The following EYS variants were observed in gnomAD, a reference collection of about 807,000 sequenced individuals.
EYS encodes EGF-like photoreceptor maintenance factor.
In EYS, 250 loss-of-function variants were observed where a neutral mutation model predicts 282.1. That is an observed-to-expected ratio of 0.89 (90% CI 0.80 to 0.98). The LOEUF is 0.98. Among genes scored for constraint, EYS ranks in the 50% least tolerant of loss-of-function variants. EYS has a pLI of 0.00. For missense variants in EYS, 4,016 were observed against 3,709.0 expected (o/e 1.08, Z -2.15); for synonymous variants, 1,355 against 1,282.9 (o/e 1.06, Z -1.20).
rs576288145 is a variant in EYS at position 63,721,186 on chromosome 6, C to T, written c.8845G>A (p.Glu2949Lys). 4.3e-5 allele frequency: 66 copies of T among 1,551,528 alleles called. No individual in the cohort carries two copies. In the South Asian group the frequency reaches 6.9e-4, roughly 16 times the overall value. ...CTLGWVGRYC[E>K]NKTSFSTAKF... Reference sequence around the variant, plus strand: ...GCAGTTGAAAATGAAGTTTTGTTTTCACAATACCTTCCCACCCAACCCAAA... The same window carrying T: ...GCAGTTGAAAATGAAGTTTTGTTTTTACAATACCTTCCCACCCAACCCAAA... Residue 2949 changes from glutamate to lysine, a missense_variant, in exon 43 of 43, where the codon GAA becomes AAA. Glu to Lys is a moderately conservative substitution (Grantham distance 56). Coordinates refer to ENST00000503581, the MANE Select transcript of EYS (RefSeq NM_001142800.2).
At chr6:64,764,525 C>T (rs1773261645) in intron 22 of EYS, among the ~76,000 whole-genome samples, 1 of 152,204 alleles carries the variant, frequency 6.6e-6, no homozygotes, top group East Asian at 1.9e-4. Context: ...CCTAGGCCTC[C>T]AGGCCTGTGA....
At chr6:65,100,570 C>T (rs913347339) in intron 12 of EYS, among the ~76,000 whole-genome samples, 17 of 150,862 alleles carry the variant, frequency 1.1e-4, no homozygotes, top group African/African-American at 3.4e-4. Context: ...AATTATGTTG[C>T]TGTCTAAACA....
chr6:64,264,128 G>A (rs1767679587), intron 30 of EYS, among the ~76,000 whole-genome samples: 3 of 152,106 alleles, frequency 2.0e-5, no homozygotes, highest in Admixed American at 2.0e-4. Context: ...ATGAATGCCT[G>A]TATGGTAATG....
intron 28 of EYS, among the ~76,000 whole-genome samples, chr6:64,415,154 C>A (rs927088468): frequency 6.6e-6 from 1 of 152,146 alleles, no homozygotes; most frequent in Admixed American, 6.5e-5. Flanking sequence ...GTGTTGCCAA[C>A]CAACAACTAC....
At chr6:63,760,630 A>C (rs1554167494) in intron 41 of EYS, among the ~76,000 whole-genome samples, 3 of 147,922 alleles carry the variant, frequency 2.0e-5, no homozygotes, top group Non-Finnish European at 4.5e-5. Context: ...ATCTATGTAC[A>C]TATGTATGTA....
At chr6:64,357,342 A>C (rs1771857162) in intron 29 of EYS, among the ~76,000 whole-genome samples, 1 of 151,664 alleles carries the variant, frequency 6.6e-6, no homozygotes, top group South Asian at 2.1e-4. Flanking sequence ...TTTCCACTTT[A>C]AGAAACCACA....
At chr6:65,492,518 A>G (rs1419885523) in intron 4 of EYS, among the ~76,000 whole-genome samples, 3 of 152,200 alleles carry the variant, frequency 2.0e-5, no homozygotes, top group African/African-American at 4.8e-5. Context: ...ATTCTGACAC[A>G]TGGTAGAAAT....
At chr6:65,665,136 T>C (rs774765461) in intron 1 of EYS, among the ~76,000 whole-genome samples, 4 of 152,176 alleles carry the variant, frequency 2.6e-5, no homozygotes, top group Non-Finnish European at 5.9e-5. Flanking sequence ...CATAATGGAA[T>C]AGGTCTGTGG....
chr6:65,494,240 A>T (rs1766147216), intron 4 of EYS, among the ~76,000 whole-genome samples: 1 of 151,330 alleles, frequency 6.6e-6, no homozygotes, highest in Admixed American at 6.6e-5. Context: ...AATCTATTAA[A>T]TTTTTTATTT....
At chr6:64,282,525 C>A (rs1054261940) in intron 30 of EYS, among the ~76,000 whole-genome samples, 1 of 152,162 alleles carries the variant, frequency 6.6e-6, no homozygotes, top group Admixed American at 6.5e-5. Context: ...GTGAATGTGT[C>A]TTTAGATGAC....
intron 35 of EYS, among the ~76,000 whole-genome samples, chr6:63,867,599 T>C (rs984164973): frequency 3.3e-5 from 5 of 152,148 alleles, no homozygotes; most frequent in Non-Finnish European, 5.9e-5. Context: ...GTAGGAGACA[T>C]CATAAAGGCA....
At chr6:63,949,518 C>A (rs911485674) in intron 35 of EYS, among the ~76,000 whole-genome samples, 1 of 152,126 alleles carries the variant, frequency 6.6e-6, no homozygotes, top group African/African-American at 2.4e-5. Context: ...AAGCTCATAT[C>A]TTAGACATAT....
rs148942453 is a variant in EYS at position 64,341,616 on chromosome 6, T to C, written c.6079-34534A>G. ...TACTATGCTCACTAGCTGGCTCCCC[T>C]ACACCCATGTAACAATCCTAATTCT... On this transcript the variant is annotated intron_variant, in intron 29 of 42. Coordinates refer to ENST00000503581, the MANE Select transcript of EYS (RefSeq NM_001142800.2). Among the ~76,000 whole-genome samples the C allele has an allele frequency of 1.9e-3, 295 of 151,808 alleles. 1 individual carries two copies. The highest frequency in any genetic ancestry group is 6.6e-3 in the African/African-American group (273 of 41,514).
At chr6:64,256,672 A>G (rs192532757) in intron 30 of EYS, among the ~76,000 whole-genome samples, 41 of 152,170 alleles carry the variant, frequency 2.7e-4, no homozygotes, top group Non-Finnish European at 4.4e-4. Context: ...TATGATGCCT[A>G]TCTACAGAGG....
intron 12 of EYS, among the ~76,000 whole-genome samples, chr6:65,281,061 A>G (rs1010417188): frequency 1.3e-5 from 2 of 149,394 alleles, no homozygotes; most frequent in African/African-American, 4.9e-5. Flanking sequence ...AGAAAAGAAA[A>G]GAAATAATAA....
At chr6:65,281,537 T>C (rs1410760893) in intron 12 of EYS, among the ~76,000 whole-genome samples, 2 of 152,210 alleles carry the variant, frequency 1.3e-5, no homozygotes, top group African/African-American at 4.8e-5. Context: ...AGTATAACTC[T>C]GTGAATGCTT....
intron 31 of EYS, among the ~76,000 whole-genome samples, chr6:64,097,744 C>T (rs942287773): frequency 6.6e-6 from 1 of 152,070 alleles, no homozygotes; most frequent in Non-Finnish European, 1.5e-5. Flanking sequence ...ACGCTCGGTA[C>T]ACTGACATTG....
chr6:64,334,889 G>A (rs1287275105), intron 29 of EYS, among the ~76,000 whole-genome samples: 2 of 152,040 alleles, frequency 1.3e-5, no homozygotes, highest in African/African-American at 2.4e-5. Context: ...TGGTTTTCAT[G>A]GTTTGGAGGC....
chr6:63,814,692 AG>A (rs1771133340), intron 36 of EYS, among the ~76,000 whole-genome samples: 3 of 152,206 alleles, frequency 2.0e-5, no homozygotes, highest in African/African-American at 7.2e-5. Flanking sequence ...GGCTTTTCAA[AG>A]TAACTAGGTA....
Sources: gnomAD v4.1 joint callset for allele counts (sites outside exome capture counted in the v4.1 genomes callset) on GRCh38, gnomAD v4.1.1 for gene constraint, MANE v1.5 for transcripts, NCBI Gene and HGNC (gene_info 2026-07-23, HGNC 2026-07-21) for gene names.